Variants in CSMD2 observed in about 807,000 individuals in gnomAD.
CSMD2 encodes CUB and Sushi multiple domains 2.
Under a neutral mutation model 398.5 loss-of-function variants are expected in CSMD2, and 130 were observed. That is an observed-to-expected ratio of 0.33 (90% confidence interval 0.28 to 0.38). The LOEUF is 0.38. Among genes scored for constraint, CSMD2 ranks in the 10% least tolerant of loss-of-function variants. The pLI, the probability that CSMD2 is intolerant of heterozygous loss-of-function variation, is 1.00. For synonymous variants in CSMD2, 1,828 were observed against 1,908.5 expected (o/e 0.96, Z 1.10); for missense variants, 3,829 against 4,764.9 (o/e 0.80, Z 5.78).
intron 13 of CSMD2, among the ~76,000 whole-genome samples, chr1:33,752,581 C>T (rs1162644136): frequency 6.6e-6 from 1 of 152,178 alleles, no homozygotes; most frequent in East Asian, 1.9e-4. Context: ...CAAGAATGGG[C>T]TAACACAGAA....
At chr1:33,610,877 G>A (rs1382848135) in intron 41 of CSMD2, among the ~76,000 whole-genome samples, 164 bp downstream of exon 41, 8 of 152,066 alleles carry the variant, frequency 5.3e-5, no homozygotes, top group African/African-American at 7.2e-5. Context: ...AATGGGGTCC[G>A]GAGAGATCTG....
rs1331629617 is a variant in CSMD2, at chr1:34,110,567, T to G, written c.188-21374A>C. Among the ~76,000 whole-genome samples, 3 of 152,114 alleles carry G rather than the reference T, an allele frequency of 2.0e-5. No individual in the cohort carries two copies. The East Asian group carries it at 5.8e-4, about 29-fold the overall frequency. On this transcript the variant is annotated intron_variant, in intron 1 of 70. Coordinates refer to ENST00000373381, the MANE Select transcript of CSMD2 (RefSeq NM_001281956.2). ...CAGGAACATGAATGAAGCATATATA[T>G]TAAGATCTCCATCTTAAGCTAGAAG...
chr1:34,001,755 T>C (rs956125359), intron 3 of CSMD2, among the ~76,000 whole-genome samples: 6 of 152,096 alleles, frequency 3.9e-5, no homozygotes, highest in Admixed American at 6.5e-5. Flanking sequence ...ACCCTGAGGA[T>C]TGTACAGAAT....
At chr1:34,006,563 C>T (rs553805032) in intron 3 of CSMD2, among the ~76,000 whole-genome samples, 238 of 149,814 alleles carry the variant, frequency 1.6e-3, no homozygotes, top group African/African-American at 5.4e-3. Flanking sequence ...TAGGGCTTAT[C>T]AAACACTTCA....
chr1:33,615,113 G>T (rs1641300838), intron 39 of CSMD2, among the ~76,000 whole-genome samples: 2 of 152,172 alleles, frequency 1.3e-5, no homozygotes, highest in Non-Finnish European at 2.9e-5. Flanking sequence ...CAGGGGGCAG[G>T]GTGGGCGGCA....
At chr1:33,794,255 T>C (rs1293033264) in intron 10 of CSMD2, among the ~76,000 whole-genome samples, 1 of 152,152 alleles carries the variant, frequency 6.6e-6, no homozygotes, top group Non-Finnish European at 1.5e-5. Flanking sequence ...CCCTCTGCAG[T>C]GGCCTGAGAG....
chr1:33,882,395 G>A (rs1641296141), intron 5 of CSMD2, among the ~76,000 whole-genome samples: 1 of 152,180 alleles, frequency 6.6e-6, no homozygotes, highest in Non-Finnish European at 1.5e-5. Flanking sequence ...GACAACATTT[G>A]TAATTTCATA....
intron 33 of CSMD2, 70 bp from the exon 34 acceptor site, chr1:33,625,324 G>A (rs531143749): frequency 5.0e-5 from 71 of 1,422,956 alleles, no homozygotes; most frequent in Non-Finnish European, 6.3e-5. Context: ...GACATACAAC[G>A]GGTCTGGAAC....
chr1:33,811,036 G>A (rs921936682), intron 9 of CSMD2, among the ~76,000 whole-genome samples, 172 bp from the exon 10 acceptor site: 6 of 152,096 alleles, frequency 3.9e-5, no homozygotes, highest in Admixed American at 6.5e-5. Flanking sequence ...AAGGGAAGCC[G>A]CAGTGCCTGG....
intron 3 of CSMD2, among the ~76,000 whole-genome samples, chr1:33,975,998 C>T (rs557782438): frequency 3.3e-5 from 5 of 152,214 alleles, no homozygotes; most frequent in African/African-American, 4.8e-5. Flanking sequence ...CAGGGGGCAC[C>T]GCATTTTAAG....
intron 3 of CSMD2, among the ~76,000 whole-genome samples, chr1:33,952,392 A>G (rs546714798): frequency 6.6e-6 from 1 of 152,328 alleles, no homozygotes; most frequent in East Asian, 1.9e-4. Flanking sequence ...CAGGGCCTTT[A>G]CACAATATTC....
rs80349631 is a variant in CSMD2 at position 33,915,187 on chromosome 1, G to A, written c.920+2907C>T. On this transcript the variant is annotated intron_variant, in intron 5 of 70. Coordinates refer to ENST00000373381, the MANE Select transcript of CSMD2 (RefSeq NM_001281956.2). ...TGTCCAAATCCATCTTTGCTAACAG[G>A]ATCTGTTGTTTTTCTATGCCTTGGC... 3.3e-5 allele frequency among the ~76,000 whole-genome samples: 5 copies of A among 152,134 alleles called. No individual in the cohort carries two copies. The East Asian group carries it at 9.6e-4, about 29-fold the overall frequency.
chr1:33,922,734 C>G (rs112520090), intron 4 of CSMD2, among the ~76,000 whole-genome samples: 43 of 152,226 alleles, frequency 2.8e-4, no homozygotes, highest in Middle Eastern at 3.4e-3. Flanking sequence ...CACACCCCCA[C>G]ATCCAGCCAG....
rs528932488 is a variant in CSMD2 at position 33,946,926 on chromosome 1, C to A, written c.518-10972G>T. On this transcript the variant is annotated intron_variant, in intron 3 of 70. Coordinates refer to ENST00000373381, the MANE Select transcript of CSMD2 (RefSeq NM_001281956.2). ...CTGGGATTATAGGCATGAGCCACCC[C>A]GCCCGGCCACCTGACAATTTTTATA... Among the ~76,000 whole-genome samples the A allele has an allele frequency of 1.1e-4, 16 of 152,256 alleles. No homozygotes were observed. The East Asian group carries it at 2.9e-3, about 28-fold the overall frequency.
chr1:34,100,942 T>C (rs2148410678), intron 1 of CSMD2, among the ~76,000 whole-genome samples: 1 of 152,304 alleles, frequency 6.6e-6, no homozygotes, highest in East Asian at 1.9e-4. Flanking sequence ...GGCTGACCTC[T>C]CTCAGGGATG....
intron 2 of CSMD2, among the ~76,000 whole-genome samples, chr1:34,084,763 C>T (rs1315476156): frequency 9.9e-5 from 15 of 151,916 alleles, no homozygotes; most frequent in African/African-American, 3.4e-4. Flanking sequence ...GAAATAGGAA[C>T]ACTTTTACAC....
chr1:33,905,186 T>A (rs1643012515), intron 5 of CSMD2, among the ~76,000 whole-genome samples: 1 of 152,130 alleles, frequency 6.6e-6, no homozygotes, highest in Non-Finnish European at 1.5e-5. Flanking sequence ...CAAGAGCCAC[T>A]GGCATCTAGA....
At position 33,624,970 on chromosome 1, in the gene CSMD2, C is replaced by G; in HGVS notation, c.5500+81G>C. ...GGCTGCTGTGTGTCGTGGGGCATCA[C>G]TGGGGCTGACTGCCTCCCCTACAGA... On this transcript the variant is annotated intron_variant, in intron 34 of 70. Coordinates refer to ENST00000373381, the MANE Select transcript of CSMD2 (RefSeq NM_001281956.2). This position sits in a 1 kb window ranked among gnomAD's most constrained non-coding sequence, Gnocchi z 4.7. 1.4e-6 allele frequency: 2 copies of G among 1,413,830 alleles called. No individual in the cohort carries two copies. The highest frequency in any genetic ancestry group is 1.2e-5 in the South Asian group (1 of 84,480). 87.6% of individuals were successfully genotyped at this position (1,413,830 alleles called of 1,614,324 possible). A position where few individuals can be genotyped will look rare whatever the true frequency, so the allele number is the denominator to read the frequency against.
chr1:33,996,336 G>A (rs1040614597), intron 3 of CSMD2, among the ~76,000 whole-genome samples: 5 of 152,188 alleles, frequency 3.3e-5, no homozygotes, highest in African/African-American at 1.2e-4. Context: ...AGCCATACTC[G>A]GTCAAGCTTT....
Sources: allele counts gnomAD v4.1 joint callset (sites outside exome capture counted in the v4.1 genomes callset), GRCh38; gene constraint gnomAD v4.1.1; non-coding constraint Gnocchi (gnomAD v3.1); transcripts MANE v1.5; gene names NCBI Gene and HGNC (gene_info 2026-07-23, HGNC 2026-07-21).